Variants in TTF2 observed in about 807,000 individuals in gnomAD.
TTF2 encodes the protein RNA polymerase II termination factor.
Under a neutral mutation model 142.4 loss-of-function variants are expected in TTF2, and 108 were observed. That is an observed-to-expected ratio of 0.76 (90% CI 0.65 to 0.89). The LOEUF (loss-of-function observed/expected upper bound fraction) is 0.89. Among genes scored for constraint, TTF2 ranks in the 40% least tolerant of loss-of-function variants. TTF2 has a pLI of 0.00. For synonymous variants in TTF2, 483 were observed against 506.2 expected (o/e 0.95, Z 0.61); for missense variants, 1,327 against 1,379.8 (o/e 0.96, Z 0.61).
rs1034115411 is a variant in TTF2 at position 117,070,201 on chromosome 1, G to T, written c.219-3460G>T. On this transcript the variant is annotated intron_variant, in intron 3 of 22. Coordinates refer to ENST00000369466, the MANE Select transcript of TTF2 (RefSeq NM_003594.4). This position sits in a 1 kb window ranked among gnomAD's most constrained non-coding sequence, Gnocchi z 4.2. ...TGCCCTTCTCCTGAAAGTCTACATG[G>T]CATGAGTTTTAAAGTAGACACTACA... Among the ~76,000 whole-genome samples the T allele has an allele frequency of 6.6e-6, 1 of 152,150 alleles. No homozygotes were observed. Among genetic ancestry groups the T allele is most frequent in the Non-Finnish European group, 1.5e-5 (1 of 68,030 alleles).
rs757996458 is a variant in TTF2, at chr1:117,077,948, T to C, written c.1606T>C (p.Trp536Arg). ...HTNQDHVHAV[W>R]KITSEAIGQL... ...AAACCAAGATCACGTTCATGCAGTG[T>C]GGAAAATCACAAGTGAAGCCATCGG... The change falls in exon 8 of 23, where the codon TGG becomes CGG. Residue 536 changes from tryptophan (W) to arginine (R), a missense_variant. Trp to Arg is a moderately radical substitution (Grantham distance 101, BLOSUM62 -3). Transcript: ENST00000369466. The C allele has an allele frequency of 6.8e-6, 11 of 1,614,070 alleles. No individual in the cohort carries two copies. The highest frequency in any genetic ancestry group is 8.5e-7 in the Non-Finnish European group (1 of 1,180,026).
At position 117,062,400 on chromosome 1, in the gene TTF2, C is replaced by T; in HGVS notation, c.145C>T (p.His49Tyr). 6.2e-7 allele frequency: 1 copy of T among 1,613,230 alleles called. No individual in the cohort carries two copies. ...TCTTTTCTCTAGCATTCCTGTTTCC[C>T]ATTGCTTATTGCATGAGGACTTTGT... ...FVRATDIPVS[H>Y]CLLHEDFVVE... The change falls in exon 3 of 23, where the codon CAT becomes TAT. Residue 49 changes from histidine to tyrosine, a missense_variant. His to Tyr is a moderately conservative substitution (Grantham distance 83, BLOSUM62 2). Coordinates refer to ENST00000369466, the MANE Select transcript of TTF2 (RefSeq NM_003594.4).
chr1:117,089,195 A>ATATATATGCAAAAATATAGGACTT (rs1648319880), intron 13 of TTF2, among the ~76,000 whole-genome samples: 3 of 151,722 alleles, frequency 2.0e-5, no homozygotes, highest in Non-Finnish European at 4.4e-5. Context: ...CAGCCCTTAT[A>ATATATATGCAAAAATATAGGACTT]TATATATGCA....
Position 117,073,675 on chromosome 1 carries a change from GC to G in TTF2, c.234del (p.Cys78Ter). 1 of 1,610,146 alleles carries G rather than the reference GC, an allele frequency of 6.2e-7. No individual in the cohort carries two copies. Among genetic ancestry groups the G allele is most frequent in the South Asian group, 1.1e-5 (1 of 90,498 alleles). On this transcript the variant is annotated frameshift_variant, in exon 4 of 23. Coordinates refer to ENST00000369466, the MANE Select transcript of TTF2 (RefSeq NM_003594.4). LOFTEE classifies it high-confidence loss of function. This position sits in a 1 kb window ranked among gnomAD's most constrained non-coding sequence, Gnocchi z 4.4. ...DKKEYRLFFR[C>X]IRSKAEGKRW... ...TACTTCATTAGATTGTTCTTCCGAT[GC>G]ATTAGAAGTAAGGCAGAGGGGAAAC... is the stretch of plus-strand genomic sequence containing the variant.
chr1:117,072,218 T>C (rs1656634482), intron 3 of TTF2, among the ~76,000 whole-genome samples: 1 of 152,132 alleles, frequency 6.6e-6, no homozygotes, highest in African/African-American at 2.4e-5. Flanking sequence ...CAGCCTTCTT[T>C]TTTTGGTGGA....
chr1:117,101,744 A>G lies in TTF2; in HGVS notation c.*220A>G. 1 of 406,116 alleles carries G rather than the reference A, an allele frequency of 2.5e-6. No homozygotes were observed. Among genetic ancestry groups the G allele is most frequent in the South Asian group, 1.0e-4 (1 of 9,782 alleles). 25.2% of individuals were successfully genotyped at this position (406,116 alleles called of 1,614,324 possible). A position where few individuals can be genotyped will look rare whatever the true frequency, so the allele number is the denominator to read the frequency against. On this transcript the variant is annotated 3_prime_UTR_variant, in exon 23 of 23. Transcript: ENST00000369466. This position sits in a 1 kb window ranked among gnomAD's most constrained non-coding sequence, Gnocchi z 5.9. ...AATTATGTTAATAATTTATTTAATG[A>G]GTGGTATGGAAACCAATTGATTTTT...
At position 117,091,842 on chromosome 1, in the gene TTF2, G is replaced by A; in HGVS notation, c.2697G>A (p.Glu899=). ...TGGCACTGGAGTTTGGGTCTGAGGA[G>A]CCTAGACACTCGGAGGCAGCAGACT... The part of the protein sequence containing the change: ...SRVALEFGSE[E]PRHSEAADSP... Residue 899 remains glutamate (E), a synonymous_variant, in exon 17 of 23, where the codon GAG becomes GAA. Transcript: ENST00000369466. 6.2e-7 allele frequency: 1 copy of A among 1,613,604 alleles called. No individual in the cohort carries two copies. Among genetic ancestry groups the A allele is most frequent in the Non-Finnish European group, 8.5e-7 (1 of 1,179,882 alleles).
chr1:117,078,129 A>G, intron 8 of TTF2, 86 bp downstream of exon 8: 1 of 1,533,542 alleles, frequency 6.5e-7, no homozygotes, highest in East Asian at 2.4e-5. Flanking sequence ...ACTTTCTGAG[A>G]TACCTTTCCT....
intron 9 of TTF2, among the ~76,000 whole-genome samples, chr1:117,081,014 C>T (rs1030427388): frequency 1.3e-5 from 2 of 152,246 alleles, no homozygotes; most frequent in Non-Finnish European, 2.9e-5. Flanking sequence ...AGAAGGAAAG[C>T]AGGTGTTCAA....
Position 117,075,728 on chromosome 1 carries a change from G to T in TTF2, c.1144G>T (p.Glu382Ter), listed in dbSNP as rs750028304. 3.1e-6 allele frequency: 5 copies of T among 1,614,218 alleles called. No individual in the cohort carries two copies. The highest frequency in any genetic ancestry group is 4.2e-6 in the Non-Finnish European group (5 of 1,180,046). ...FDSTLDLETK[E>*]NLQFPDRSVQ... is the part of the protein sequence containing the mutation. ...CTCGACTCTGGACTTAGAGACGAAG[G>T]AAAACCTCCAATTCCCTGATCGAAG... The change falls in exon 5 of 23, where the codon GAA becomes TAA. Residue 382 changes from glutamate to a stop codon, truncating the protein, a stop_gained. Coordinates refer to ENST00000369466, the MANE Select transcript of TTF2 (RefSeq NM_003594.4). LOFTEE classifies it high-confidence loss of function. This position sits in a 1 kb window ranked among gnomAD's most constrained non-coding sequence, Gnocchi z 4.5.
rs1649898028 is a variant in TTF2 at position 117,105,824 on chromosome 1, C to CT, written c.*4301dup. 6.6e-6 allele frequency: 1 copy of CT among 152,154 alleles called. No homozygotes were observed. The highest frequency in any genetic ancestry group is 2.4e-5 in the African/African-American group (1 of 41,440). The allele number at this position is 152,154 out of a possible 1,614,324, so 9.4% of individuals were successfully genotyped here. ...TGTTTATGGGAGGTGACTTATTTCT[C>CT]TATCAATCCTGTGAGTGATTTAGCA... On this transcript the variant is annotated 3_prime_UTR_variant, in exon 23 of 23. Coordinates refer to ENST00000369466, the MANE Select transcript of TTF2 (RefSeq NM_003594.4). The surrounding 1 kb of genome is among the most constrained non-coding windows in gnomAD (Gnocchi z 4.7).
At position 117,073,189 on chromosome 1, in the gene TTF2, T is replaced by G. The variant is rs2101397906; in HGVS notation, c.219-472T>G. On this transcript the variant is annotated intron_variant, in intron 3 of 22. Coordinates refer to ENST00000369466, the MANE Select transcript of TTF2 (RefSeq NM_003594.4). The surrounding 1 kb of genome is among the most constrained non-coding windows in gnomAD (Gnocchi z 4.4). ...ATTCTCCACAGTATAGTTTTACGCCTTCTTCTGTTGTTTCTATTTCCTATA... is the reference window on the plus strand; with the variant it reads ...ATTCTCCACAGTATAGTTTTACGCCGTCTTCTGTTGTTTCTATTTCCTATA... 6.6e-6 allele frequency among the ~76,000 whole-genome samples: 1 copy of G among 152,350 alleles called. No individual in the cohort carries two copies. Among genetic ancestry groups the G allele is most frequent in the East Asian group, 1.9e-4 (1 of 5,194 alleles).
At position 117,101,324 on chromosome 1, in the gene TTF2, A is replaced by G. The variant is rs981043614; in HGVS notation, c.3345-56A>G. ...ATAATAAAAGTTTGAATATATTATTAGATGTGCTGCTTAGGGTTTTTGATA... is the reference window on the plus strand; with the variant it reads ...ATAATAAAAGTTTGAATATATTATTGGATGTGCTGCTTAGGGTTTTTGATA... On this transcript the variant is annotated intron_variant, in intron 22 of 22. Coordinates refer to ENST00000369466, the MANE Select transcript of TTF2 (RefSeq NM_003594.4). The surrounding 1 kb of genome is among the most constrained non-coding windows in gnomAD (Gnocchi z 5.9). 5 of 1,480,002 alleles carry G rather than the reference A, an allele frequency of 3.4e-6. No homozygotes were observed. The African/African-American group carries it at 7.0e-5, about 21-fold the overall frequency. The allele number at this position is 1,480,002 out of a possible 1,614,324, so 91.7% of individuals were successfully genotyped here. A position where few individuals can be genotyped will look rare whatever the true frequency, so the allele number is the denominator to read the frequency against.
At position 117,081,852 on chromosome 1, in the gene TTF2, C is replaced by A. The variant is rs980529224; in HGVS notation, c.1808C>A (p.Thr603Asn). ...ILADDMGLGKTLTMIALILTQ... is the reference protein window; with the variant it reads ...ILADDMGLGKNLTMIALILTQ... ...GCAGATGATATGGGCTTAGGAAAAACCCTGACAATGATTGCGCTCATCCTG... is the reference window on the plus strand; with the variant it reads ...GCAGATGATATGGGCTTAGGAAAAAACCTGACAATGATTGCGCTCATCCTG... Residue 603 changes from threonine (T) to asparagine (N), a missense_variant, in exon 10 of 23, where the codon ACC becomes AAC. Coordinates refer to ENST00000369466, the MANE Select transcript of TTF2 (RefSeq NM_003594.4). 1 of 1,613,922 alleles carries A rather than the reference C, an allele frequency of 6.2e-7. No homozygotes were observed. The highest frequency in any genetic ancestry group is 8.5e-7 in the Non-Finnish European group (1 of 1,179,954).
chr1:117,060,616 T>TC, intron 2 of TTF2, 59 bp downstream of exon 2: 1 of 1,504,970 alleles, frequency 6.6e-7, no homozygotes, highest in Non-Finnish European at 8.9e-7. Context: ...GAGAGGAGCT[T>TC]CCCGCTCCCC....
intron 10 of TTF2, among the ~76,000 whole-genome samples, chr1:117,083,518 C>T (rs780564000): frequency 1.6e-4 from 25 of 152,152 alleles, no homozygotes; most frequent in Non-Finnish European, 2.8e-4. Flanking sequence ...ATACTCCATA[C>T]GCCTCTATAA....
intron 10 of TTF2, among the ~76,000 whole-genome samples, chr1:117,083,241 CAAAAAAAA>C (rs937586299): frequency 3.8e-5 from 2 of 53,304 alleles, no homozygotes; most frequent in Non-Finnish European, 8.0e-5. Context: ...GACTCCGTCT[CAAAAAAAA>C]AAAAAAAAAA....
rs911212514 is a variant in TTF2 at position 117,086,784 on chromosome 1, A to G, written c.2160+262A>G. On this transcript the variant is annotated intron_variant, in intron 12 of 22. Transcript: ENST00000369466. The surrounding 1 kb of genome is among the most constrained non-coding windows in gnomAD (Gnocchi z 4.2). Reference sequence around the variant, plus strand: ...ATGACTGCATTGTATTTGTGGGGGTAATAATCACCTGAATATATAAAAGCC... The same window carrying G: ...ATGACTGCATTGTATTTGTGGGGGTGATAATCACCTGAATATATAAAAGCC... Among the ~76,000 whole-genome samples the G allele has an allele frequency of 2.6e-5, 4 of 152,330 alleles. No individual in the cohort carries two copies. Among genetic ancestry groups the G allele is most frequent in the African/African-American group, 9.6e-5 (4 of 41,564 alleles).
rs918314374 is a variant in TTF2 at position 117,090,321 on chromosome 1, C to T, written c.2496+113C>T. 20 of 1,451,388 alleles carry T rather than the reference C, an allele frequency of 1.4e-5. No homozygotes were observed. The highest frequency in any genetic ancestry group is 7.1e-5 in the African/African-American group (5 of 70,376). The allele number at this position is 1,451,388 out of a possible 1,614,324, so 89.9% of individuals were successfully genotyped here. Reference sequence around the variant, plus strand: ...CTTCAGGAGCCTCTGAGTTTCCCATCCTCCTGTGAGGAGGCCCCAGGGTTG... The same window carrying T: ...CTTCAGGAGCCTCTGAGTTTCCCATTCTCCTGTGAGGAGGCCCCAGGGTTG... On this transcript the variant is annotated intron_variant, in intron 14 of 22. Transcript: ENST00000369466. The surrounding 1 kb of genome is among the most constrained non-coding windows in gnomAD (Gnocchi z 4.8).
Sources: allele counts gnomAD v4.1 joint callset (sites outside exome capture counted in the v4.1 genomes callset), GRCh38; gene constraint gnomAD v4.1.1; non-coding constraint Gnocchi (gnomAD v3.1); transcripts MANE v1.5; gene names NCBI Gene and HGNC (gene_info 2026-07-23, HGNC 2026-07-21).